The following JMJD1C variants were observed in gnomAD, a reference collection of about 807,000 sequenced individuals.
JMJD1C encodes jumonji domain containing 1C.
JMJD1C carries 31 observed loss-of-function variants against 245.3 expected under a neutral mutation model. That is an observed-to-expected ratio of 0.13 (90% CI 0.09 to 0.17). The LOEUF (loss-of-function observed/expected upper bound fraction) is 0.17, where lower values mean the gene tolerates loss of function less well. JMJD1C is among the 10% of genes least tolerant of loss of function. JMJD1C has a pLI of 1.00. For synonymous variants in JMJD1C, 1,057 were observed against 1,017.4 expected, an observed-to-expected ratio of 1.04 and a Z score of -0.74; for missense variants, 2,691 against 3,000.2, an observed-to-expected ratio of 0.90 and a Z score of 2.41.
At chr10:63,462,498 G>T (rs1952866323) in intron 1 of JMJD1C, among the ~76,000 whole-genome samples, 1 of 152,102 alleles carries the variant, frequency 6.6e-6, no homozygotes. Flanking sequence ...ACATTACATG[G>T]CAAAGGAGAA....
At chr10:63,426,952 T>A (rs577752691) in intron 1 of JMJD1C, among the ~76,000 whole-genome samples, 7 of 152,358 alleles carry the variant, frequency 4.6e-5, no homozygotes, top group African/African-American at 1.4e-4. Flanking sequence ...ATCAGATGTT[T>A]TAACATTCCC....
intron 2 of JMJD1C, among the ~76,000 whole-genome samples, chr10:63,283,030 T>C (rs1857579395): frequency 6.6e-6 from 1 of 152,180 alleles, no homozygotes; most frequent in East Asian, 1.9e-4. Flanking sequence ...TAGGTTTTCT[T>C]AATTCAGGTC....
chr10:63,232,217 C>T (rs893096428), intron 3 of JMJD1C, among the ~76,000 whole-genome samples: 1 of 152,010 alleles, frequency 6.6e-6, no homozygotes, highest in Non-Finnish European at 1.5e-5. Flanking sequence ...ATCATCTTCT[C>T]AATATATTAC....
In JMJD1C at chr10:63,213,680, T is replaced by A. The variant is rs1032705798; in HGVS notation, c.2487A>T (p.Ala829=). Residue 829 remains alanine, a synonymous_variant, in exon 8 of 26, where the codon GCA becomes GCT. Transcript: ENST00000399262. ...GTAACAACTGTTGTTGTTGCTGGTG[T>A]GCTAGCGCTAAGTGGCTCAAGCTGC... is the stretch of plus-strand genomic sequence containing the variant. ...HASSLSHLAL[A]HQQQQQLLQH... is the part of the protein sequence containing the mutation. 1.2e-6 allele frequency: 2 copies of A among 1,614,104 alleles called. No homozygotes were observed. The highest frequency in any genetic ancestry group is 1.7e-6 in the Non-Finnish European group (2 of 1,180,030).
chr10:63,516,621 GA>G (rs1955026004), intron 1 of JMJD1C, among the ~76,000 whole-genome samples: 1 of 152,096 alleles, frequency 6.6e-6, no homozygotes, highest in Admixed American at 6.5e-5. Flanking sequence ...TACCATGAAG[GA>G]AAAACAAAAG....
At chr10:63,426,357 T>C (rs1027158036) in intron 1 of JMJD1C, among the ~76,000 whole-genome samples, 1 of 151,026 alleles carries the variant, frequency 6.6e-6, no homozygotes, top group Non-Finnish European at 1.5e-5. Context: ...ACCCTATCTA[T>C]TAAAAAAAAA....
intron 2 of JMJD1C, among the ~76,000 whole-genome samples, chr10:63,287,357 T>C (rs1237023300): frequency 6.6e-6 from 1 of 152,244 alleles, no homozygotes; most frequent in Non-Finnish European, 1.5e-5. Flanking sequence ...GTTAAAGCTG[T>C]CGTTCCACGT....
intron 1 of JMJD1C, among the ~76,000 whole-genome samples, chr10:63,422,343 C>T (rs988335856): frequency 4.6e-5 from 7 of 152,032 alleles, no homozygotes; most frequent in South Asian, 2.1e-4. Flanking sequence ...ACCCAGGAGG[C>T]GGGGTTGCAG....
chr10:63,279,800 A>G (rs1159717898), intron 2 of JMJD1C, among the ~76,000 whole-genome samples: 2 of 152,208 alleles, frequency 1.3e-5, no homozygotes, highest in Non-Finnish European at 2.9e-5. Flanking sequence ...GAAGGGTTTG[A>G]AGACACTAAA....
At chr10:63,412,985 T>C (rs1361946067) in intron 1 of JMJD1C, among the ~76,000 whole-genome samples, 1 of 152,180 alleles carries the variant, frequency 6.6e-6, no homozygotes, top group African/African-American at 2.4e-5. Flanking sequence ...GGGATGATAT[T>C]GATTTAATTA....
rs1846160330 is a variant in JMJD1C at position 63,202,676 on chromosome 10, G to A, written c.5075-1999C>T. ...TAATCCACTAGAGAAACACCCATGT[G>A]TATAACCACACACCACATCTCCCGG... On this transcript the variant is annotated intron_variant, in intron 10 of 25. Transcript: ENST00000399262. 3 of 985,252 alleles carry A rather than the reference G, an allele frequency of 3.0e-6. No homozygotes were observed. In the African/African-American group the frequency reaches 5.2e-5, roughly 17 times the overall value. The allele number at this position is 985,252 out of a possible 1,614,324, so 61.0% of individuals were successfully genotyped here.
chr10:63,347,593 A>AAG (rs1242371531), intron 2 of JMJD1C, among the ~76,000 whole-genome samples: 73 of 149,686 alleles, frequency 4.9e-4, no homozygotes, highest in African/African-American at 1.7e-3. Context: ...CAAAAAAAAA[A>AAG]AAAAAGAAAG....
intron 1 of JMJD1C, among the ~76,000 whole-genome samples, chr10:63,391,753 C>T (rs7903003): frequency 0.021 from 3,248 of 152,124 alleles, 116 homozygotes; most frequent in African/African-American, 0.073. Flanking sequence ...CAATCCTTAT[C>T]AAAATACCAA....
At chr10:63,300,252 T>G (rs575772912) in intron 2 of JMJD1C, among the ~76,000 whole-genome samples, 1 of 152,178 alleles carries the variant, frequency 6.6e-6, no homozygotes, top group Non-Finnish European at 1.5e-5. Context: ...AAGCTCTGTA[T>G]GCTGGGTTCA....
chr10:63,284,018 CT>C (rs546311723), intron 2 of JMJD1C, among the ~76,000 whole-genome samples: 132 of 144,370 alleles, frequency 9.1e-4, no homozygotes, highest in South Asian at 1.1e-3. Flanking sequence ...TTCTTTTCTT[CT>C]TTTTTTTTTT....
chr10:63,515,499 A>G (rs1379294623), intron 1 of JMJD1C, among the ~76,000 whole-genome samples: 1 of 152,156 alleles, frequency 6.6e-6, no homozygotes, highest in African/African-American at 2.4e-5. Context: ...ACTTGTCCAC[A>G]CTGAGCCTCC....
At chr10:63,322,244 G>A (rs1325610313) in intron 2 of JMJD1C, among the ~76,000 whole-genome samples, 2 of 152,100 alleles carry the variant, frequency 1.3e-5, no homozygotes, top group East Asian at 1.9e-4. Flanking sequence ...TAAAATGAGT[G>A]GATGTCAGTT....
chr10:63,326,909 G>A (rs894126393), intron 2 of JMJD1C, among the ~76,000 whole-genome samples: 4 of 151,782 alleles, frequency 2.6e-5, no homozygotes, highest in African/African-American at 7.3e-5. Context: ...ACCAGGGGCT[G>A]GGCATGGTGG....
chr10:63,209,227 G>C lies in JMJD1C; in HGVS notation c.2703C>G (p.Pro901=). The part of the protein sequence containing the change: ...NAEASLRRNS[P]SPWLHQPTPV... ...GGGTGGGCTGATGTAGCCAAGGACT[G>C]GGAGAATTCTATTAACAAAACAAAA... The change falls in exon 9 of 26, where the codon CCC becomes CCG. Residue 901 remains proline, a synonymous_variant. Transcript: ENST00000399262. 1 of 1,596,602 alleles carries C rather than the reference G, an allele frequency of 6.3e-7. No homozygotes were observed. The highest frequency in any genetic ancestry group is 1.1e-5 in the South Asian group (1 of 87,292).
Sources: gnomAD v4.1 joint callset for allele counts (sites outside exome capture counted in the v4.1 genomes callset) on GRCh38, gnomAD v4.1.1 for gene constraint, MANE v1.5 for transcripts, NCBI Gene and HGNC (gene_info 2026-07-23, HGNC 2026-07-21) for gene names.